FRYL: variants seen among roughly 807,000 people sequenced by gnomAD.
FRYL encodes FRY like transcription coactivator, also known as protein furry homolog-like.
FRYL carries 150 observed loss-of-function variants against 351.2 expected under a neutral mutation model. The observed-to-expected ratio is 0.43, with a 90% confidence interval of 0.37 to 0.49. The LOEUF (loss-of-function observed/expected upper bound fraction) is 0.49, where lower values mean the gene tolerates loss of function less well. Among genes scored for constraint, FRYL ranks in the 20% least tolerant of loss-of-function variants. FRYL has a pLI of 0.00. For synonymous variants in FRYL, 1,153 were observed against 1,257.1 expected, an observed-to-expected ratio of 0.92 and a Z score of 1.75; for missense variants, 3,036 against 3,619.3, an observed-to-expected ratio of 0.84 and a Z score of 4.13.
At chr4:48,605,673 TA>T in intron 11 of FRYL, 67 bp downstream of exon 11, 2 of 1,041,138 alleles carry the variant, frequency 1.9e-6, no homozygotes, top group South Asian at 2.8e-5. Context: ...GGACAAAAAA[TA>T]AAAGTATAAG....
chr4:48,565,770 T>C (rs1736636390), intron 28 of FRYL, 79 bp from the exon 29 acceptor site: 1 of 1,340,228 alleles, frequency 7.5e-7, no homozygotes. Flanking sequence ...TTATTGAATG[T>C]GTAATAGTGT....
At chr4:48,523,209 C>T (rs1725274404) in intron 53 of FRYL, 105 bp from the exon 54 acceptor site, 2 of 704,722 alleles carry the variant, frequency 2.8e-6, no homozygotes, top group Non-Finnish European at 4.8e-6. Context: ...ATACTTAATG[C>T]ATCATTAAAA....
intron 12 of FRYL, 30 bp from the exon 13 acceptor site, chr4:48,602,151 A>C: frequency 1.8e-6 from 2 of 1,141,146 alleles, no homozygotes; most frequent in Non-Finnish European, 2.6e-6. Flanking sequence ...GACAGAATTA[A>C]CATTTTTCAT....
At chr4:48,711,324 G>A (rs1406142474) in intron 1 of FRYL, among the ~76,000 whole-genome samples, 1 of 152,240 alleles carries the variant, frequency 6.6e-6, no homozygotes, top group Non-Finnish European at 1.5e-5. Context: ...AGAAAGGGGT[G>A]ACAGATGGCA....
At chr4:48,732,142 T>C (rs565431846) in intron 1 of FRYL, among the ~76,000 whole-genome samples, 19 of 152,318 alleles carry the variant, frequency 1.2e-4, no homozygotes, top group Non-Finnish European at 2.8e-4. Flanking sequence ...TCTCAAAAGA[T>C]GACACTTACG....
In FRYL at chr4:48,540,010, TG is replaced by T; in HGVS notation, c.6353del (p.Pro2118GlnfsTer12). 6.2e-7 allele frequency: 1 copy of T among 1,613,334 alleles called. No homozygotes were observed. Among genetic ancestry groups the T allele is most frequent in the Non-Finnish European group, 8.5e-7 (1 of 1,179,620 alleles). On this transcript the variant is annotated frameshift_variant, in exon 47 of 64. Transcript: ENST00000358350. LOFTEE classifies it high-confidence loss of function. The stretch of plus-strand genomic sequence containing the variant: ...TAGCTGTTTCTTTGCAAAACTGAGT[TG>T]GGCTGTCAAAATGCTGGATTAAGTG... ...LPHLIQHFDS[P>X]TQFCKETASR...
intron 3 of FRYL, among the ~76,000 whole-genome samples, chr4:48,666,759 A>G (rs1482210415): frequency 6.6e-6 from 1 of 152,068 alleles, no homozygotes; most frequent in African/African-American, 2.4e-5. Context: ...GTTTTTTTTT[A>G]AAGTTTCTTC....
intron 3 of FRYL, among the ~76,000 whole-genome samples, chr4:48,674,736 CAAAAA>C (rs58696045): frequency 2.5e-4 from 14 of 55,788 alleles, no homozygotes; most frequent in South Asian, 2.5e-3. Context: ...GACTCTGTCT[CAAAAA>C]AAAAAAAAAA....
chr4:48,686,316 C>G (rs1475988968), intron 2 of FRYL, among the ~76,000 whole-genome samples: 2 of 152,062 alleles, frequency 1.3e-5, no homozygotes, highest in Admixed American at 1.3e-4. Context: ...TCTTCAAAGC[C>G]AAAAATCTGG....
chr4:48,739,252 T>A (rs1771775524), intron 1 of FRYL, among the ~76,000 whole-genome samples: 1 of 151,696 alleles, frequency 6.6e-6, no homozygotes, highest in South Asian at 2.1e-4. Context: ...AATACAAAAA[T>A]CAGCAGGGCA....
At chr4:48,589,602 A>T in intron 18 of FRYL, 143 bp downstream of exon 18, 1 of 726,172 alleles carries the variant, frequency 1.4e-6, no homozygotes, top group Admixed American at 2.7e-5. Flanking sequence ...GAGTGTGTGG[A>T]AGGAATCACT....
chr4:48,573,253 A>C lies in FRYL; in HGVS notation c.2847-10T>G. On this transcript the variant is annotated splice_polypyrimidine_tract_variant and intron_variant, in intron 25 of 63. Transcript: ENST00000358350. ...TTCCTCTATTAGTTCCCTGGAAGAA[A>C]AATGGTACATATTCTATTAATAGCT... The C allele has an allele frequency of 6.3e-7, 1 of 1,575,758 alleles. No homozygotes were observed. Among genetic ancestry groups the C allele is most frequent in the South Asian group, 1.1e-5 (1 of 90,132 alleles).
chr4:48,632,129 T>TATATGC (rs1287765191), intron 4 of FRYL, among the ~76,000 whole-genome samples: 1 of 108,678 alleles, frequency 9.2e-6, no homozygotes, highest in African/African-American at 3.6e-5. Flanking sequence ...TATATATATA[T>TATATGC]GCGCACACAA....
In FRYL at chr4:48,585,094, T is replaced by G. The variant is rs74875023; in HGVS notation, c.1748+1527A>C. Among the ~76,000 whole-genome samples the G allele has an allele frequency of 3.3e-3, 496 of 152,270 alleles. 3 individuals carry two copies. The highest frequency in any genetic ancestry group is 0.011 in the African/African-American group (478 of 41,576). On this transcript the variant is annotated intron_variant, in intron 19 of 63. Transcript: ENST00000358350. Reference sequence around the variant, plus strand: ...GGAGATCTACTCTTGTGGATCAACATCCACAAAGATGTAGATGAGTTATGT... The same window carrying G: ...GGAGATCTACTCTTGTGGATCAACAGCCACAAAGATGTAGATGAGTTATGT...
intron 54 of FRYL, among the ~76,000 whole-genome samples, 165 bp from the exon 55 acceptor site, chr4:48,521,380 G>C (rs1016123668): frequency 6.6e-6 from 1 of 152,166 alleles, no homozygotes; most frequent in Non-Finnish European, 1.5e-5. Context: ...GTGTTGTTAG[G>C]GTAAGCAGCT....
At chr4:48,655,333 C>T (rs1406234076) in intron 3 of FRYL, among the ~76,000 whole-genome samples, 1 of 152,010 alleles carries the variant, frequency 6.6e-6, no homozygotes. Flanking sequence ...TTGGATACAT[C>T]GCGATTAGAG....
rs1312003989 is a variant in FRYL, at chr4:48,656,742, A to ATT, written c.-80-22254_-80-22253dup. Among the ~76,000 whole-genome samples, 224 of 144,916 alleles carry ATT rather than the reference A, an allele frequency of 1.5e-3. 2 individuals carry two copies. Among genetic ancestry groups the ATT allele is most frequent in the Middle Eastern group, 3.6e-3 (1 of 276 alleles). On this transcript the variant is annotated intron_variant, in intron 3 of 63. Coordinates refer to ENST00000358350, the MANE Select transcript of FRYL (RefSeq NM_015030.2). ...TATATGACTGACTATATATATATAT[A>ATT]TTTATTTATCGCCAAGGCAAATTAA... is the stretch of plus-strand genomic sequence containing the variant.
chr4:48,742,792 G>A (rs1772241686), intron 1 of FRYL, among the ~76,000 whole-genome samples: 1 of 151,726 alleles, frequency 6.6e-6, no homozygotes, highest in Non-Finnish European at 1.5e-5. Flanking sequence ...CCACCCTTTT[G>A]GAGGGTAATC....
At chr4:48,724,942 G>T (rs930742739) in intron 1 of FRYL, among the ~76,000 whole-genome samples, 2 of 152,104 alleles carry the variant, frequency 1.3e-5, no homozygotes, top group Admixed American at 1.3e-4. Flanking sequence ...TTTTATTCCT[G>T]TTAAATACTG....
Sources: allele counts gnomAD v4.1 joint callset (sites outside exome capture counted in the v4.1 genomes callset), GRCh38; gene constraint gnomAD v4.1.1; transcripts MANE v1.5; gene names NCBI Gene and HGNC (gene_info 2026-07-23, HGNC 2026-07-21).